PTPRD: variants seen among roughly 807,000 people sequenced by gnomAD.
PTPRD encodes the protein receptor-type tyrosine-protein phosphatase delta.
Under a neutral mutation model 214.5 loss-of-function variants are expected in PTPRD, and 34 were observed. That is an observed-to-expected ratio of 0.16 (90% CI 0.12 to 0.21). The LOEUF is 0.21. PTPRD is among the 10% of genes least tolerant of loss of function. PTPRD has a pLI of 1.00. For synonymous variants in PTPRD, 1,128 were observed against 845.7 expected (o/e 1.33, Z -5.79); for missense variants, 2,545 against 2,398.7 (o/e 1.06, Z -1.27).
chr9:10,044,959 T>C (rs1567284411), intron 3 of PTPRD, among the ~76,000 whole-genome samples: 2 of 151,692 alleles, frequency 1.3e-5, no homozygotes, highest in African/African-American at 2.4e-5. Flanking sequence ...TAATTACAGT[T>C]CCAGAATCTC....
At chr9:10,323,878 T>C (rs919057355) in intron 3 of PTPRD, among the ~76,000 whole-genome samples, 1 of 151,786 alleles carries the variant, frequency 6.6e-6, no homozygotes, top group African/African-American at 2.4e-5. Context: ...ACTCAGAAAA[T>C]GATTTTAAGA....
At chr9:10,103,916 C>T (rs1203850016) in intron 3 of PTPRD, among the ~76,000 whole-genome samples, 6 of 151,538 alleles carry the variant, frequency 4.0e-5, no homozygotes, top group Non-Finnish European at 5.9e-5. Flanking sequence ...AAGTGTCTAT[C>T]GATGGATGAA....
At chr9:9,618,475 A>C (rs1266526491) in intron 7 of PTPRD, among the ~76,000 whole-genome samples, 2 of 152,192 alleles carry the variant, frequency 1.3e-5, no homozygotes, top group East Asian at 3.9e-4. Context: ...AGTTGAGAAC[A>C]TGAGCTATGG....
intron 39 of PTPRD, among the ~76,000 whole-genome samples, chr9:8,345,583 G>A (rs530069496): frequency 6.6e-6 from 1 of 152,060 alleles, no homozygotes; most frequent in Admixed American, 6.6e-5. Context: ...GGGGTTAATG[G>A]TAGCAAGGGT....
chr9:9,871,559 A>T (rs1216572686), intron 5 of PTPRD, among the ~76,000 whole-genome samples: 1 of 151,742 alleles, frequency 6.6e-6, no homozygotes, highest in Non-Finnish European at 1.5e-5. Flanking sequence ...AAGCAACCTA[A>T]CCTCCTTGGG....
At chr9:10,355,668 G>A (rs1308483711) in intron 2 of PTPRD, among the ~76,000 whole-genome samples, 1 of 151,918 alleles carries the variant, frequency 6.6e-6, no homozygotes, top group African/African-American at 2.4e-5. Context: ...AGTAGAGACG[G>A]GGTTTCACCA....
At chr9:10,425,239 T>C (rs1178216636) in intron 2 of PTPRD, among the ~76,000 whole-genome samples, 2 of 151,936 alleles carry the variant, frequency 1.3e-5, no homozygotes, top group African/African-American at 4.8e-5. Context: ...AAATGTTTGC[T>C]TCATAAAGGA....
Position 9,427,257 on chromosome 9 carries a change from G to A in PTPRD, c.-236-29775C>T, listed in dbSNP as rs560393056. ...CTGAAAACCATGGCATGAGAACTAC[G>A]TGACAAATGCACAAGCTTCAGTAGC... On this transcript the variant is annotated intron_variant, in intron 8 of 45. Coordinates refer to ENST00000381196, the MANE Select transcript of PTPRD (RefSeq NM_002839.4). Among the ~76,000 whole-genome samples the A allele has an allele frequency of 5.3e-5, 8 of 152,272 alleles. No individual in the cohort carries two copies. In the South Asian group the frequency reaches 6.2e-4, roughly 12 times the overall value.
At chr9:10,284,799 T>C (rs1292889567) in intron 3 of PTPRD, among the ~76,000 whole-genome samples, 1 of 151,438 alleles carries the variant, frequency 6.6e-6, no homozygotes, top group Non-Finnish European at 1.5e-5. Context: ...AGAGAGAGCA[T>C]CTGCTGCTTC....
intron 2 of PTPRD, among the ~76,000 whole-genome samples, chr9:10,605,683 G>A (rs1233010434): frequency 6.6e-6 from 1 of 151,784 alleles, no homozygotes; most frequent in African/African-American, 2.4e-5. Flanking sequence ...GATATAAAGG[G>A]AGAAATGCCT....
chr9:10,242,822 T>G (rs1595142146), intron 3 of PTPRD, among the ~76,000 whole-genome samples: 1 of 151,926 alleles, frequency 6.6e-6, no homozygotes, highest in East Asian at 1.9e-4. Flanking sequence ...TTTTACAACC[T>G]TGCTACTTCT....
chr9:10,479,662 C>CATAAATAAAT (rs1296695008), intron 2 of PTPRD, among the ~76,000 whole-genome samples: 99 of 52,636 alleles, frequency 1.9e-3, no homozygotes, highest in African/African-American at 4.5e-3. Context: ...AATAAATAAA[C>CATAAATAAAT]AAAAATACAA....
intron 7 of PTPRD, among the ~76,000 whole-genome samples, chr9:9,584,885 C>T (rs537945555): frequency 2.6e-5 from 4 of 152,092 alleles, no homozygotes; most frequent in South Asian, 2.1e-4. Context: ...ATGCTTTACA[C>T]GTCTTATGAT....
At chr9:9,387,476 G>T (rs1455191578) in intron 9 of PTPRD, among the ~76,000 whole-genome samples, 2 of 152,024 alleles carry the variant, frequency 1.3e-5, no homozygotes, top group Non-Finnish European at 2.9e-5. Context: ...TTTTTAAAGA[G>T]AAAATGTTTT....
intron 14 of PTPRD, among the ~76,000 whole-genome samples, chr9:8,596,369 C>T (rs2094476720): frequency 6.6e-6 from 1 of 151,772 alleles, no homozygotes; most frequent in African/African-American, 2.4e-5. Context: ...ACTTTTAAAG[C>T]ACTCTGGGGA....
intron 10 of PTPRD, among the ~76,000 whole-genome samples, chr9:9,116,454 A>T (rs1032000973): frequency 6.6e-6 from 1 of 152,040 alleles, no homozygotes; most frequent in Non-Finnish European, 1.5e-5. Flanking sequence ...AATGGACATG[A>T]GAGAGTCAGA....
At chr9:9,227,512 C>G (rs552374568) in intron 9 of PTPRD, among the ~76,000 whole-genome samples, 1 of 152,098 alleles carries the variant, frequency 6.6e-6, no homozygotes, top group Non-Finnish European at 1.5e-5. Context: ...CTTTGACACT[C>G]TCTGACACTC....
chr9:9,617,334 A>G (rs1305632419), intron 7 of PTPRD, among the ~76,000 whole-genome samples: 3 of 152,198 alleles, frequency 2.0e-5, no homozygotes, highest in Non-Finnish European at 4.4e-5. Flanking sequence ...AGGTAGAGTT[A>G]TGAAAAGATA....
At chr9:9,915,369 G>C (rs1410330060) in intron 5 of PTPRD, among the ~76,000 whole-genome samples, 1 of 151,254 alleles carries the variant, frequency 6.6e-6, no homozygotes, top group Non-Finnish European at 1.5e-5. Flanking sequence ...TGATTATCTA[G>C]TAAACAGATA....
Sources: gnomAD v4.1 joint callset for allele counts (sites outside exome capture counted in the v4.1 genomes callset) on GRCh38, gnomAD v4.1.1 for gene constraint, MANE v1.5 for transcripts, NCBI Gene and HGNC (gene_info 2026-07-23, HGNC 2026-07-21) for gene names.